The following KIAA1217 variants were observed in gnomAD, a reference collection of about 807,000 sequenced individuals.
KIAA1217 encodes sickle tail protein homolog.
In KIAA1217, 88 loss-of-function variants were observed where a neutral mutation model predicts 163.9. That is an observed-to-expected ratio of 0.54 (90% CI 0.45 to 0.64). The LOEUF (loss-of-function observed/expected upper bound fraction) is 0.64, where lower values mean the gene tolerates loss of function less well. Ranked by LOEUF, KIAA1217 falls within the 30% of genes least tolerant of loss-of-function variation. The probability of loss-of-function intolerance (pLI) is 0.00; values close to 1 mark genes in which losing one functional copy is unlikely to be tolerated. For missense variants in KIAA1217, 2,372 were observed against 2,475.0 expected (o/e 0.96, Z 0.88); for synonymous variants, 903 against 923.1 (o/e 0.98, Z 0.39).
chr10:24,528,248 A>T (rs2072505040), intron 14 of KIAA1217, 129 bp downstream of exon 14: 12 of 729,010 alleles, frequency 1.6e-5, no homozygotes, highest in Non-Finnish European at 2.4e-5. Flanking sequence ...ACAAAATGTA[A>T]AACCTGGAAG....
At chr10:24,044,506 C>CT (rs904912429) in intron 2 of KIAA1217, among the ~76,000 whole-genome samples, 4 of 151,112 alleles carry the variant, frequency 2.6e-5, no homozygotes, top group African/African-American at 7.3e-5. Context: ...ACATTTCTGA[C>CT]TTTTTTTTTA....
rs544453447 is a variant in KIAA1217 at position 24,293,158 on chromosome 10, T to A, written c.354+73249T>A. Among the ~76,000 whole-genome samples the A allele has an allele frequency of 5.3e-5, 8 of 152,322 alleles. 1 individual carries two copies. Among genetic ancestry groups the A allele is most frequent in the African/African-American group, 1.9e-4 (8 of 41,582 alleles). ...CCTGGGTTCAAGCAGTTATTTTGCCTCAGCCTCCCGAGTAGCTGGGATTAT... is the reference window on the plus strand; with the variant it reads ...CCTGGGTTCAAGCAGTTATTTTGCCACAGCCTCCCGAGTAGCTGGGATTAT... On this transcript the variant is annotated intron_variant, in intron 2 of 20. Transcript: ENST00000376454.
At chr10:23,935,655 A>T (rs1193194536) in intron 1 of KIAA1217, among the ~76,000 whole-genome samples, 1 of 141,034 alleles carries the variant, frequency 7.1e-6, no homozygotes, top group South Asian at 2.1e-4. Context: ...GATAAAACAA[A>T]TAAAAGGTAC....
intron 1 of KIAA1217, among the ~76,000 whole-genome samples, chr10:23,872,990 A>G (rs1840533211): frequency 6.6e-6 from 1 of 152,092 alleles, no homozygotes; most frequent in African/African-American, 2.4e-5. Context: ...CTGAAATGAA[A>G]GAAATGACAA....
intron 2 of KIAA1217, among the ~76,000 whole-genome samples, chr10:24,154,373 G>C (rs2064779850): frequency 6.6e-6 from 1 of 151,974 alleles, no homozygotes; most frequent in Admixed American, 6.6e-5. Flanking sequence ...GCTGCAGTGA[G>C]CTGTGATCAC....
Position 24,546,154 on chromosome 10 carries a change from C to T in KIAA1217, c.5662C>T (p.Pro1888Ser), listed in dbSNP as rs2075706488. 8 of 1,614,076 alleles carry T rather than the reference C, an allele frequency of 5.0e-6. No homozygotes were observed. The highest frequency in any genetic ancestry group is 6.8e-6 in the Non-Finnish European group (8 of 1,180,022). ...ACCGCAGAGTCAAAATGGCCGAGCA[C>T]CCCCTCCTTTGTCATTTTCCTCCTC... is the stretch of plus-strand genomic sequence containing the variant. ...FSPQSQNGRA[P>S]PPLSFSSSPP... Residue 1888 changes from proline (P) to serine (S), a missense_variant, in exon 21 of 21, where the codon CCC (proline) becomes TCC (serine). Coordinates refer to ENST00000376454, the MANE Select transcript of KIAA1217 (RefSeq NM_019590.5).
intron 1 of KIAA1217, among the ~76,000 whole-genome samples, chr10:23,883,813 A>G (rs1364378954): frequency 6.6e-6 from 1 of 151,878 alleles, no homozygotes; most frequent in Non-Finnish European, 1.5e-5. Flanking sequence ...ACAACAACTG[A>G]TCTTCTTACT....
In KIAA1217 at chr10:24,090,575, A is replaced by G. The variant is rs75324613; in HGVS notation, c.-171+83201A>G. On this transcript the variant is annotated intron_variant, in intron 2 of 18. Transcript: ENST00000376462. ...AGTGGACACAAAGTCTCTGCTTTCC[A>G]GTTTTTCTCAAAGAGCATTTTTGAG... Among the ~76,000 whole-genome samples, 682 of 151,488 alleles carry G rather than the reference A, an allele frequency of 4.5e-3. 17 individuals are homozygous for G. Among genetic ancestry groups the G allele is most frequent in the African/African-American group, 0.016 (648 of 40,934 alleles).
chr10:24,026,248 T>C (rs1361788827), intron 2 of KIAA1217, among the ~76,000 whole-genome samples: 3 of 151,886 alleles, frequency 2.0e-5, no homozygotes, highest in Non-Finnish European at 4.4e-5. Flanking sequence ...ATAATGTCAT[T>C]TTCTGGTCTT....
At chr10:24,111,494 C>A (rs963120525) in intron 2 of KIAA1217, among the ~76,000 whole-genome samples, 2 of 152,048 alleles carry the variant, frequency 1.3e-5, no homozygotes, top group African/African-American at 4.8e-5. Context: ...GCTTATTCAG[C>A]TTTAAGGAAT....
At chr10:23,876,655 T>C (rs1037680689) in intron 1 of KIAA1217, among the ~76,000 whole-genome samples, 4 of 151,970 alleles carry the variant, frequency 2.6e-5, no homozygotes, top group Non-Finnish European at 4.4e-5. Flanking sequence ...GCTAGACCAG[T>C]GTCCATGTTG....
chr10:24,118,437 C>A (rs1009517670), intron 2 of KIAA1217, among the ~76,000 whole-genome samples: 6 of 152,286 alleles, frequency 3.9e-5, no homozygotes, highest in Non-Finnish European at 7.4e-5. Context: ...AATTCCACAC[C>A]CCCTCGAATT....
chr10:23,990,267 C>A (rs1292304176), intron 1 of KIAA1217, among the ~76,000 whole-genome samples: 2 of 152,192 alleles, frequency 1.3e-5, no homozygotes, highest in Non-Finnish European at 2.9e-5. Context: ...CCCAACCAAG[C>A]AAGGGCTAGA....
intron 6 of KIAA1217, 31 bp downstream of exon 6, chr10:24,474,091 T>C (rs750601774): frequency 1.3e-5 from 20 of 1,520,202 alleles, no homozygotes; most frequent in Non-Finnish European, 1.7e-5. Flanking sequence ...CCGAGGGTGG[T>C]ACCTGGGCCC....
At chr10:23,901,913 CAAA>C (rs71397922) in intron 1 of KIAA1217, among the ~76,000 whole-genome samples, 2,792 of 98,610 alleles carry the variant, frequency 0.028, 32 homozygotes, top group South Asian at 0.034. Context: ...GACTCTATCT[CAAA>C]AAAAAAAAAA....
At chr10:23,764,849 C>T (rs1178813289) in intron 1 of KIAA1217, among the ~76,000 whole-genome samples, 3 of 152,108 alleles carry the variant, frequency 2.0e-5, no homozygotes, top group African/African-American at 7.2e-5. Context: ...GTGCAGCAAA[C>T]CACCATGGCA....
At chr10:23,902,833 C>T (rs1842009790) in intron 1 of KIAA1217, among the ~76,000 whole-genome samples, 1 of 152,082 alleles carries the variant, frequency 6.6e-6, no homozygotes, top group Non-Finnish European at 1.5e-5. Context: ...TGCAGTTCAT[C>T]TTAAGGTCCA....
intron 2 of KIAA1217, among the ~76,000 whole-genome samples, chr10:24,151,100 A>T (rs867332126): frequency 2.0e-4 from 30 of 152,188 alleles, no homozygotes; most frequent in African/African-American, 7.2e-4. Flanking sequence ...GCAGGGAAGG[A>T]TAGTAGAGTC....
chr10:24,495,461 G>T (rs1333214841), intron 8 of KIAA1217, among the ~76,000 whole-genome samples: 1 of 152,140 alleles, frequency 6.6e-6, no homozygotes, highest in Non-Finnish European at 1.5e-5. Context: ...CAGACACGGG[G>T]CTGCCTGCCT....
Sources: allele counts gnomAD v4.1 joint callset (sites outside exome capture counted in the v4.1 genomes callset), GRCh38; gene constraint gnomAD v4.1.1; transcripts MANE v1.5; gene names NCBI Gene and HGNC (gene_info 2026-07-23, HGNC 2026-07-21).